Variants in LGSN observed in about 807,000 individuals in gnomAD.
LGSN encodes lengsin, lens protein with glutamine synthetase domain.
In LGSN, 21 loss-of-function variants were observed where a neutral mutation model predicts 19.5. The ratio of observed to expected loss-of-function variants is 1.07; its 90% CI spans 0.76 to 1.55. The LOEUF (loss-of-function observed/expected upper bound fraction) is 1.55, where lower values mean the gene tolerates loss of function less well. Among genes scored for constraint, LGSN ranks in the 40% most tolerant of loss-of-function variants. LGSN has a pLI of 0.00. For synonymous variants in LGSN, 257 were observed against 215.6 expected (o/e 1.19, Z -1.68); for missense variants, 673 against 608.5 (o/e 1.11, Z -1.12).
chr6:63,380,219 C>A, the LGSN span, among the ~76,000 whole-genome samples: 2 of 152,168 alleles, frequency 1.3e-5, no homozygotes, highest in Non-Finnish European at 2.9e-5. Flanking sequence ...TTAAATGTGT[C>A]TGTTTCAACA....
the LGSN span, among the ~76,000 whole-genome samples, chr6:63,457,177 T>C: frequency 6.6e-6 from 1 of 152,222 alleles, no homozygotes; most frequent in Non-Finnish European, 1.5e-5. Flanking sequence ...CATACTGTTA[T>C]TTTGTCATCT....
the LGSN span, among the ~76,000 whole-genome samples, chr6:63,509,621 G>A: frequency 0.54 from 81,481 of 151,972 alleles, 23,662 homozygotes; most frequent in African/African-American, 0.77. Context: ...TGAAAATTTC[G>A]TTATAAAGGA....
the LGSN span, among the ~76,000 whole-genome samples, chr6:63,509,662 T>C: frequency 6.6e-6 from 1 of 152,300 alleles, no homozygotes. Context: ...ATAGAGTAAA[T>C]ATTAAACCTT....
chr6:63,508,135 A>G, the LGSN span, among the ~76,000 whole-genome samples: 2 of 152,236 alleles, frequency 1.3e-5, no homozygotes, highest in South Asian at 2.1e-4. Flanking sequence ...AATTATGCCA[A>G]CTTCATATAA....
the LGSN span, among the ~76,000 whole-genome samples, chr6:63,500,593 G>A: frequency 6.6e-6 from 1 of 151,286 alleles, no homozygotes; most frequent in African/African-American, 2.4e-5. Flanking sequence ...GGCTAATTTT[G>A]TATTTTTAGT....
chr6:63,405,637 G>T, the LGSN span, among the ~76,000 whole-genome samples: 1 of 151,980 alleles, frequency 6.6e-6, no homozygotes, highest in Non-Finnish European at 1.5e-5. Context: ...TCCTTCGCCA[G>T]CTAACATCAT....
chr6:63,351,829 T>C, the LGSN span, among the ~76,000 whole-genome samples: 1,621 of 152,292 alleles, frequency 0.011, 18 homozygotes, highest in African/African-American at 0.036. Context: ...TTGATTTACA[T>C]GGAGACTAAT....
At chr6:63,496,261 T>C in the LGSN span, among the ~76,000 whole-genome samples, 57 of 152,340 alleles carry the variant, frequency 3.7e-4, no homozygotes, top group African/African-American at 1.3e-3. Context: ...TAACTCATAT[T>C]GTTCTGTAGC....
the LGSN span, among the ~76,000 whole-genome samples, chr6:63,394,320 A>C: frequency 6.6e-6 from 1 of 152,130 alleles, no homozygotes; most frequent in African/African-American, 2.4e-5. Flanking sequence ...GCTGGTCAAA[A>C]CCCACTAAAC....
At chr6:63,474,145 C>A in the LGSN span, among the ~76,000 whole-genome samples, 1 of 152,206 alleles carries the variant, frequency 6.6e-6, no homozygotes, top group Non-Finnish European at 1.5e-5. Flanking sequence ...AACTGGGTGA[C>A]AATGTCCTTT....
At chr6:63,468,733 T>TTTAG in the LGSN span, among the ~76,000 whole-genome samples, 2,878 of 152,028 alleles carry the variant, frequency 0.019, 34 homozygotes, top group South Asian at 0.054. Context: ...CGGCCATGTT[T>TTTAG]TTAGTTAGTT....
At chr6:63,469,594 C>T in the LGSN span, among the ~76,000 whole-genome samples, 16 of 151,998 alleles carry the variant, frequency 1.1e-4, no homozygotes, top group African/African-American at 3.6e-4. Flanking sequence ...AGAATTATTG[C>T]TTTTGTTGGA....
chr6:63,559,627 C>T, the LGSN span, among the ~76,000 whole-genome samples: 2 of 152,050 alleles, frequency 1.3e-5, no homozygotes, highest in East Asian at 3.9e-4. Context: ...TGCCTGTAAT[C>T]CCAGCTACTC....
At chr6:63,545,277 G>A in the LGSN span, among the ~76,000 whole-genome samples, 1 of 152,118 alleles carries the variant, frequency 6.6e-6, no homozygotes, top group Non-Finnish European at 1.5e-5. Flanking sequence ...CTGCCTTTGA[G>A]TACTTCCTTA....
At chr6:63,553,127 C>G in the LGSN span, among the ~76,000 whole-genome samples, 2 of 152,270 alleles carry the variant, frequency 1.3e-5, no homozygotes, top group South Asian at 4.1e-4. Context: ...TATATTCAAA[C>G]CAGTTTTTCC....
intron 3 of LGSN, 84 bp from the exon 4 acceptor site, chr6:63,281,304 A>T (rs1192124502): frequency 9.6e-5 from 13 of 135,792 alleles, no homozygotes; most frequent in South Asian, 6.3e-4. Context: ...TGCTAATGAA[A>T]ATATATATAT....
chr6:63,313,098 T>C (rs935776095), intron 1 of LGSN, among the ~76,000 whole-genome samples: 2 of 151,666 alleles, frequency 1.3e-5, no homozygotes, highest in African/African-American at 4.8e-5. Flanking sequence ...AAATAAGAGA[T>C]GTAAAAGAGA....
the LGSN span, among the ~76,000 whole-genome samples, chr6:63,366,319 A>T: frequency 3.1e-4 from 47 of 152,244 alleles, no homozygotes; most frequent in Non-Finnish European, 5.7e-4. Context: ...AGCCAAATCA[A>T]GAGTGAACTC....
chr6:63,386,402 C>CTATTAT, the LGSN span, among the ~76,000 whole-genome samples: 3 of 151,518 alleles, frequency 2.0e-5, no homozygotes, highest in South Asian at 4.2e-4. Context: ...TTTTATTTTA[C>CTATTAT]TATTATTATT....
Sources: gnomAD v4.1 joint callset for allele counts (sites outside exome capture counted in the v4.1 genomes callset) on GRCh38, gnomAD v4.1.1 for gene constraint, MANE v1.5 for transcripts, NCBI Gene and HGNC (gene_info 2026-07-23, HGNC 2026-07-21) for gene names.